NCBP3: variants seen among roughly 807,000 people sequenced by gnomAD.
NCBP3 encodes the protein nuclear cap-binding protein subunit 3.
NCBP3 carries 20 observed loss-of-function variants against 75.7 expected under a neutral mutation model. The ratio of observed to expected loss-of-function variants is 0.26; its 90% CI spans 0.19 to 0.38. NCBP3 has a LOEUF of 0.38. Ranked by LOEUF, NCBP3 falls within the 10% of genes least tolerant of loss-of-function variation. The pLI, the probability that NCBP3 is intolerant of heterozygous loss-of-function variation, is 1.00. For missense variants in NCBP3, 678 were observed against 796.9 expected, an observed-to-expected ratio of 0.85 and a Z score of 1.80; for synonymous variants, 293 against 290.5, an observed-to-expected ratio of 1.01 and a Z score of -0.09.
intron 3 of NCBP3, among the ~76,000 whole-genome samples, chr17:3,838,668 A>G (rs2054016664): frequency 6.6e-6 from 1 of 152,238 alleles, no homozygotes; most frequent in Non-Finnish European, 1.5e-5. Flanking sequence ...AAGGCTCTAG[A>G]GTCAAAGAAA....
Position 3,840,155 on chromosome 17 carries a change from C to A in NCBP3, c.300G>T (p.Ser100=). The A allele has an allele frequency of 6.4e-7, 1 of 1,551,670 alleles. No homozygotes were observed. The highest frequency in any genetic ancestry group is 8.7e-7 in the Non-Finnish European group (1 of 1,146,992). Residue 100 remains serine (S), a synonymous_variant, in exon 3 of 13, where the codon TCG becomes TCT. Coordinates refer to ENST00000389005, the MANE Select transcript of NCBP3 (RefSeq NM_001114118.3). ...CATTTCTTTGGGCAAGATTTACTTCCGATCGAAAATGGAAGCGCTTGGCTC... is the reference window on the plus strand; with the variant it reads ...CATTTCTTTGGGCAAGATTTACTTCAGATCGAAAATGGAAGCGCTTGGCTC... The part of the protein sequence containing the change: ...EQRAKRFHFR[S]EVNLAQRNVA...
chr17:3,845,598 G>A (rs2054148304), intron 1 of NCBP3, among the ~76,000 whole-genome samples: 1 of 152,206 alleles, frequency 6.6e-6, no homozygotes, highest in African/African-American at 2.4e-5. Context: ...CGAGTGCCAT[G>A]TTTCCCAGAT....
At position 3,812,519 on chromosome 17, in the gene NCBP3, G is replaced by C; in HGVS notation, c.*525C>G. ...CTGGGCGGCACTGGTGCACCTCTGA[G>C]GTCAGGTCCGTGAGATTCGCCCCAC... On this transcript the variant is annotated 3_prime_UTR_variant, in exon 13 of 13. Transcript: ENST00000389005. The C allele has an allele frequency of 1.0e-6, 1 of 999,594 alleles. No individual in the cohort carries two copies. The highest frequency in any genetic ancestry group is 4.4e-5 in the South Asian group (1 of 22,796). The allele number at this position is 999,594 out of a possible 1,614,324, so 61.9% of individuals were successfully genotyped here.
chr17:3,813,733 A>G (rs2053470290), intron 12 of NCBP3, among the ~76,000 whole-genome samples: 1 of 152,220 alleles, frequency 6.6e-6, no homozygotes, highest in Non-Finnish European at 1.5e-5. Context: ...ATTATAAGGC[A>G]ATTCAAAGTT....
intron 6 of NCBP3, 52 bp downstream of exon 6, chr17:3,825,715 A>C: frequency 1.5e-6 from 2 of 1,353,928 alleles, no homozygotes. Context: ...TTAAAAAGAC[A>C]GTGAGCAATT....
chr17:3,811,981 A>G lies in NCBP3; in HGVS notation c.*1063T>C, dbSNP rs569622242. The G allele has an allele frequency of 2.0e-5, 3 of 152,360 alleles. No individual in the cohort carries two copies. Among genetic ancestry groups the G allele is most frequent in the African/African-American group, 7.2e-5 (3 of 41,584 alleles). The allele number at this position is 152,360 out of a possible 1,614,324, so 9.4% of individuals were successfully genotyped here. ...CACAACGTGGGGACAGAAAGAATAA[A>G]TATCAATGTATAACTTCTAGAGTGA... is the stretch of plus-strand genomic sequence containing the variant. On this transcript the variant is annotated 3_prime_UTR_variant, in exon 13 of 13. Transcript: ENST00000389005.
At chr17:3,817,807 CATG>C (rs1265404588) in intron 10 of NCBP3, among the ~76,000 whole-genome samples, 7 of 152,202 alleles carry the variant, frequency 4.6e-5, no homozygotes, top group African/African-American at 1.7e-4. Flanking sequence ...TTAAATAAAT[CATG>C]ATACTTTCAA....
chr17:3,844,712 C>T (rs1303822266), intron 1 of NCBP3, among the ~76,000 whole-genome samples: 2 of 152,096 alleles, frequency 1.3e-5, no homozygotes, highest in Non-Finnish European at 2.9e-5. Context: ...TAGCCGGGCA[C>T]GGTGGCACAT....
At chr17:3,814,212 T>C in intron 12 of NCBP3, 110 bp downstream of exon 12, 1 of 1,071,654 alleles carries the variant, frequency 9.3e-7, no homozygotes, top group East Asian at 2.4e-5. Context: ...ATCACTTATA[T>C]TTGGCGTGGG....
intron 12 of NCBP3, 59 bp downstream of exon 12, chr17:3,814,263 A>AC: frequency 6.5e-7 from 1 of 1,544,384 alleles, no homozygotes; most frequent in East Asian, 2.3e-5. Flanking sequence ...TCTCCAATAC[A>AC]CCCACTGTCC....
intron 7 of NCBP3, among the ~76,000 whole-genome samples, chr17:3,823,488 TAAAG>T (rs748324179): frequency 6.6e-6 from 1 of 152,218 alleles, no homozygotes; most frequent in Non-Finnish European, 1.5e-5. Flanking sequence ...TGTCTACTGG[TAAAG>T]AAATGACATA....
At chr17:3,814,544 G>A (rs1252698042) in intron 11 of NCBP3, 61 bp from the exon 12 acceptor site, 10 of 1,569,326 alleles carry the variant, frequency 6.4e-6, no homozygotes, top group East Asian at 2.3e-5. Context: ...GGCACCAGCC[G>A]CCTGACACCT....
At position 3,846,062 on chromosome 17, in the gene NCBP3, G is replaced by C. The variant is rs1567599141; in HGVS notation, c.162C>G (p.Arg54=). The C allele has an allele frequency of 6.5e-7, 1 of 1,548,850 alleles. No individual in the cohort carries two copies. Among genetic ancestry groups the C allele is most frequent in the South Asian group, 1.2e-5 (1 of 84,034 alleles). The part of the protein sequence containing the change: ...EGELEIVPVR[R]SLKELIPDTS... ...GTACCGGGATCAGTTCCTTGAGCGA[G>C]CGCCGCACAGGCACGATTTCCAGCT... Residue 54 remains arginine, a synonymous_variant, in exon 1 of 13, where the codon CGC becomes CGG. Coordinates refer to ENST00000389005, the MANE Select transcript of NCBP3 (RefSeq NM_001114118.3). This position sits in a 1 kb window ranked among gnomAD's most constrained non-coding sequence, Gnocchi z 4.6.
At chr17:3,837,733 CAA>C (rs370179376) in intron 3 of NCBP3, among the ~76,000 whole-genome samples, 15 of 87,394 alleles carry the variant, frequency 1.7e-4, no homozygotes, top group Admixed American at 1.3e-4. Context: ...GCCTCTGTCT[CAA>C]AAAAAAAAAA....
intron 3 of NCBP3, among the ~76,000 whole-genome samples, chr17:3,830,175 G>A (rs370676047): frequency 9.2e-5 from 14 of 152,256 alleles, no homozygotes; most frequent in African/African-American, 2.9e-4. Flanking sequence ...CGTGCCCTAC[G>A]GACCTAGGAA....
chr17:3,814,574 C>A, intron 11 of NCBP3, 91 bp from the exon 12 acceptor site: 1 of 1,366,854 alleles, frequency 7.3e-7, no homozygotes, highest in Non-Finnish European at 1.0e-6. Flanking sequence ...CTGGCGCTAA[C>A]CCCTGCCCCG....
rs1320401260 is a variant in NCBP3, at chr17:3,846,004, C to T, written c.183+37G>A. On this transcript the variant is annotated intron_variant, in intron 1 of 12. Coordinates refer to ENST00000389005, the MANE Select transcript of NCBP3 (RefSeq NM_001114118.3). The surrounding 1 kb of genome is among the most constrained non-coding windows in gnomAD (Gnocchi z 4.6). ...CCCCTCCGGCGCTAGACACTAGCCC[C>T]GCGACCTCTTCCTTACCCCCCGACC... The T allele has an allele frequency of 4.6e-6, 7 of 1,537,868 alleles. No homozygotes were observed. The highest frequency in any genetic ancestry group is 4.4e-6 in the Non-Finnish European group (5 of 1,140,452).
intron 10 of NCBP3, among the ~76,000 whole-genome samples, chr17:3,817,556 G>A (rs1036837381): frequency 2.6e-5 from 4 of 152,134 alleles, no homozygotes; most frequent in African/African-American, 9.7e-5. Flanking sequence ...GTGAACCTGG[G>A]AGGCGGAGTT....
At chr17:3,829,147 G>C in intron 4 of NCBP3, 96 bp downstream of exon 4, 2 of 1,341,372 alleles carry the variant, frequency 1.5e-6, no homozygotes, top group South Asian at 1.4e-5. Context: ...GCATAAACAA[G>C]TAGTATGGGC....
Sources: gnomAD v4.1 joint callset for allele counts (sites outside exome capture counted in the v4.1 genomes callset) on GRCh38, gnomAD v4.1.1 for gene constraint, Gnocchi (gnomAD v3.1) non-coding constraint, MANE v1.5 for transcripts, NCBI Gene and HGNC (gene_info 2026-07-23, HGNC 2026-07-21) for gene names.